Variants in ATRN observed in about 807,000 individuals in gnomAD.
ATRN encodes attractin, also known as attractin-2.
ATRN carries 54 observed loss-of-function variants against 178.7 expected under a neutral mutation model. That is an observed-to-expected ratio of 0.30 (90% CI 0.24 to 0.38). The LOEUF is 0.38. Ranked by LOEUF, ATRN falls within the 10% of genes least tolerant of loss-of-function variation. ATRN has a pLI of 1.00. For missense variants in ATRN, 1,443 were observed against 1,815.1 expected (o/e 0.79, Z 3.73); for synonymous variants, 636 against 663.0 (o/e 0.96, Z 0.63).
rs1211097806 is a variant in ATRN at position 3,572,841 on chromosome 20, G to T, written c.1982G>T (p.Gly661Val). Residue 661 changes from glycine (G) to valine (V), a missense_variant, in exon 12 of 29, where the codon GGA becomes GTA. Gly to Val is a moderately radical substitution (Grantham distance 109). Transcript: ENST00000262919. ...HRSEAACLAA[G>V]PGIRCVWNTG... is the part of the protein sequence containing the mutation. Reference sequence around the variant, plus strand: ...AGTGAAGCCGCTTGTTTAGCAGCAGGACCTGGTATTCGGTGTGTGTGGAAC... The same window carrying T: ...AGTGAAGCCGCTTGTTTAGCAGCAGTACCTGGTATTCGGTGTGTGTGGAAC... 1 of 1,613,670 alleles carries T rather than the reference G, an allele frequency of 6.2e-7. No individual in the cohort carries two copies. Among genetic ancestry groups the T allele is most frequent in the Non-Finnish European group, 8.5e-7 (1 of 1,179,926 alleles).
Position 3,638,999 on chromosome 20 carries a change from G to A in ATRN, c.4050+64G>A. ...TTAAAACTTAGGCTCCTAAGTCTGG[G>A]AAACCAGAGAGAGCAAAAGCCCTAT... is the stretch of plus-strand genomic sequence containing the variant. On this transcript the variant is annotated intron_variant, in intron 27 of 28. Transcript: ENST00000262919. The surrounding 1 kb of genome is among the most constrained non-coding windows in gnomAD (Gnocchi z 4.5). The A allele has an allele frequency of 7.5e-7, 1 of 1,326,802 alleles. No individual in the cohort carries two copies. The highest frequency in any genetic ancestry group is 1.1e-6 in the Non-Finnish European group (1 of 945,888). 82.2% of individuals were successfully genotyped at this position (1,326,802 alleles called of 1,614,324 possible).
At chr20:3,502,586 A>T (rs536164931) in intron 1 of ATRN, among the ~76,000 whole-genome samples, 2 of 152,286 alleles carry the variant, frequency 1.3e-5, no homozygotes, top group South Asian at 4.1e-4. Flanking sequence ...AGCATTGACA[A>T]AGGGGATCAG....
chr20:3,635,399 T>A (rs1044357505), intron 26 of ATRN, among the ~76,000 whole-genome samples: 2 of 135,382 alleles, frequency 1.5e-5, no homozygotes, highest in Non-Finnish European at 3.4e-5. Context: ...ATAAATATTT[T>A]AAAAATAACC....
chr20:3,474,559 T>G (rs754699108), intron 1 of ATRN, among the ~76,000 whole-genome samples: 3 of 150,990 alleles, frequency 2.0e-5, no homozygotes, highest in Non-Finnish European at 2.9e-5. Context: ...TACAAAAAAT[T>G]AGCCGGGCGT....
At chr20:3,515,949 G>A (rs1277417692) in intron 1 of ATRN, among the ~76,000 whole-genome samples, 1 of 152,120 alleles carries the variant, frequency 6.6e-6, no homozygotes, top group African/African-American at 2.4e-5. Context: ...AAAATATATA[G>A]TTCTCTCCTC....
intron 9 of ATRN, among the ~76,000 whole-genome samples, chr20:3,562,999 G>A (rs1366284443): frequency 6.6e-6 from 1 of 152,066 alleles, no homozygotes; most frequent in East Asian, 1.9e-4. Context: ...AAGAGTTTAA[G>A]GTTCTTAATA....
intron 8 of ATRN, among the ~76,000 whole-genome samples, chr20:3,561,233 G>A (rs1428364136): frequency 6.6e-6 from 1 of 152,206 alleles, no homozygotes; most frequent in Non-Finnish European, 1.5e-5. Context: ...TGAGGCAGGA[G>A]AATCGCTTGA....
At chr20:3,637,316 A>G (rs1401680263) in intron 26 of ATRN, among the ~76,000 whole-genome samples, 1 of 152,226 alleles carries the variant, frequency 6.6e-6, no homozygotes, top group Non-Finnish European at 1.5e-5. Context: ...AGTCCTTGCT[A>G]CACACCAGCC....
chr20:3,584,886 A>G lies in ATRN; in HGVS notation c.3184+6A>G. 6.2e-7 allele frequency: 1 copy of G among 1,611,570 alleles called. No individual in the cohort carries two copies. The highest frequency in any genetic ancestry group is 8.5e-7 in the Non-Finnish European group (1 of 1,177,684). On this transcript the variant is annotated splice_donor_region_variant and intron_variant, in intron 18 of 28. Transcript: ENST00000262919. The stretch of plus-strand genomic sequence containing the variant: ...GTCTTTCATTCACTGTCCAGGTAAG[A>G]TGCCTTGCATATCCAAATTCAAGTG...
intron 18 of ATRN, among the ~76,000 whole-genome samples, chr20:3,587,125 G>T (rs1381313930): frequency 2.6e-5 from 4 of 152,118 alleles, no homozygotes; most frequent in African/African-American, 4.8e-5. Context: ...TATGAATTCT[G>T]AAGTCCCTTA....
chr20:3,533,519 C>A (rs753416205), intron 1 of ATRN, among the ~76,000 whole-genome samples: 1 of 152,150 alleles, frequency 6.6e-6, no homozygotes, highest in African/African-American at 2.4e-5. Context: ...TGTACCCCCC[C>A]GTTTTCTTTT....
chr20:3,566,480 A>T (rs1352444263), intron 11 of ATRN, among the ~76,000 whole-genome samples: 2 of 152,120 alleles, frequency 1.3e-5, no homozygotes, highest in East Asian at 3.9e-4. Flanking sequence ...TCCCTTTTTT[A>T]AAATTCTAAG....
chr20:3,547,527 A>G (rs1197100734), intron 5 of ATRN, 38 bp downstream of exon 5: 1 of 1,481,316 alleles, frequency 6.8e-7, no homozygotes, highest in African/African-American at 1.4e-5. Context: ...TCTTCCATTT[A>G]TAGAACATTC....
At chr20:3,620,170 C>A (rs1051317973) in intron 24 of ATRN, among the ~76,000 whole-genome samples, 2 of 151,708 alleles carry the variant, frequency 1.3e-5, no homozygotes, top group African/African-American at 4.8e-5. Context: ...TTTTTCAATG[C>A]AGTTCCTGAA....
Position 3,549,251 on chromosome 20 carries a change from C to T in ATRN, c.1025C>T (p.Ala342Val), listed in dbSNP as rs1350081433. Residue 342 changes from alanine (A) to valine (V), a missense_variant, in exon 6 of 29, where the codon GCA becomes GTA. Coordinates refer to ENST00000262919, the MANE Select transcript of ATRN (RefSeq NM_139321.3). Reference protein sequence around the residue: ...EEYSNLKLPRASHKAVVNGNI... With the variant: ...EEYSNLKLPRVSHKAVVNGNI... ...TATTCTAACTTAAAGCTCCCCAGAG[C>T]ATCTCATAAAGCTGTGGTCAATGGA... The T allele has an allele frequency of 6.2e-7, 1 of 1,610,658 alleles. No individual in the cohort carries two copies. Among genetic ancestry groups the T allele is most frequent in the Non-Finnish European group, 8.5e-7 (1 of 1,178,500 alleles).
chr20:3,623,685 A>G (rs2086914386), intron 24 of ATRN, among the ~76,000 whole-genome samples: 1 of 152,202 alleles, frequency 6.6e-6, no homozygotes, highest in East Asian at 1.9e-4. Flanking sequence ...CCTAAAAAAA[A>G]GCAGGCAGCG....
At chr20:3,583,490 C>A (rs1179630995) in intron 16 of ATRN, among the ~76,000 whole-genome samples, 12 of 152,168 alleles carry the variant, frequency 7.9e-5, no homozygotes, top group Admixed American at 7.2e-4. Context: ...GATTTCATGG[C>A]ACATTAATGG....
intron 1 of ATRN, among the ~76,000 whole-genome samples, chr20:3,513,278 T>A (rs2085161550): frequency 6.6e-6 from 1 of 152,216 alleles, no homozygotes; most frequent in Non-Finnish European, 1.5e-5. Context: ...CTTGAATTAA[T>A]TTTTGTATAA....
chr20:3,538,356 A>G (rs1025681077), intron 2 of ATRN, among the ~76,000 whole-genome samples: 2 of 152,098 alleles, frequency 1.3e-5, no homozygotes, highest in Admixed American at 1.3e-4. Flanking sequence ...TCCTTGAACC[A>G]TTAGTAAATG....
Sources: allele counts gnomAD v4.1 joint callset (sites outside exome capture counted in the v4.1 genomes callset), GRCh38; gene constraint gnomAD v4.1.1; non-coding constraint Gnocchi (gnomAD v3.1); transcripts MANE v1.5; gene names NCBI Gene and HGNC (gene_info 2026-07-23, HGNC 2026-07-21).